LRRC49: variants seen among roughly 807,000 people sequenced by gnomAD.
LRRC49 encodes leucine-rich repeat-containing protein 49.
In LRRC49, 50 loss-of-function variants were observed where a neutral mutation model predicts 83.3. The ratio of observed to expected loss-of-function variants is 0.60; its 90% CI spans 0.48 to 0.76. The LOEUF (loss-of-function observed/expected upper bound fraction) is 0.76. Ranked by LOEUF, LRRC49 falls within the 30% of genes least tolerant of loss-of-function variation. The pLI is 0.00. For missense variants in LRRC49, 704 were observed against 809.1 expected (o/e 0.87, Z 1.58); for synonymous variants, 286 against 283.3 (o/e 1.01, Z -0.10).
chr15:71,001,624 A>G (rs1441711677), intron 11 of LRRC49, among the ~76,000 whole-genome samples: 9 of 150,948 alleles, frequency 6.0e-5, no homozygotes, highest in African/African-American at 2.2e-4. Flanking sequence ...TGTCTTTTTC[A>G]TTACTTTACT....
At chr15:70,909,839 A>ACACACACACAC (rs2034474539) in intron 5 of LRRC49, among the ~76,000 whole-genome samples, 1 of 136,154 alleles carries the variant, frequency 7.3e-6, no homozygotes. Context: ...CTCCATCTCA[A>ACACACACACAC]ACACACACAC....
Position 70,859,615 on chromosome 15 carries a change from G to A in LRRC49, c.-299+6146G>A. 1.4e-5 allele frequency: 9 copies of A among 642,412 alleles called. No homozygotes were observed. In the Admixed American group the frequency reaches 1.7e-4, roughly 12 times the overall value. 39.8% of individuals were successfully genotyped at this position (642,412 alleles called of 1,614,324 possible). A position where few individuals can be genotyped will look rare whatever the true frequency, so the allele number is the denominator to read the frequency against. On this transcript the variant is annotated intron_variant, in intron 1 of 16. Coordinates refer to the LRRC49 transcript ENST00000544974. ...CTGGGAAGCTTGGGCATGACCTGCA[G>A]CCTATAAAGACTGAGATCTCCGAGA... is the stretch of plus-strand genomic sequence containing the variant.
intron 14 of LRRC49, among the ~76,000 whole-genome samples, chr15:71,032,765 T>C (rs918778369): frequency 1.3e-5 from 2 of 152,104 alleles, no homozygotes; most frequent in Non-Finnish European, 2.9e-5. Flanking sequence ...CAAAACCACA[T>C]GATTATCTCA....
intron 11 of LRRC49, among the ~76,000 whole-genome samples, chr15:71,003,974 C>T (rs1015420808): frequency 1.3e-5 from 2 of 152,192 alleles, no homozygotes; most frequent in Non-Finnish European, 2.9e-5. Context: ...ATTGACTTAT[C>T]TGTCTGAAGT....
intron 1 of LRRC49, 107 bp downstream of exon 1, chr15:70,893,049 T>C: frequency 7.9e-7 from 1 of 1,265,932 alleles, no homozygotes; most frequent in Non-Finnish European, 1.2e-6. Flanking sequence ...CCGCTGGGTC[T>C]ACTCAAGCTA....
chr15:71,026,531 C>G (rs1395934663), intron 14 of LRRC49, among the ~76,000 whole-genome samples: 1 of 152,114 alleles, frequency 6.6e-6, no homozygotes, highest in Non-Finnish European at 1.5e-5. Context: ...ACACTCCCAC[C>G]AACAGTGTAA....
At chr15:71,047,990 A>G (rs975684411) in intron 15 of LRRC49, among the ~76,000 whole-genome samples, 2 of 151,008 alleles carry the variant, frequency 1.3e-5, no homozygotes, top group Non-Finnish European at 2.9e-5. Context: ...TGGCCAGGCT[A>G]GTCTCGAACT....
At chr15:71,033,584 A>C (rs1047124313) in intron 14 of LRRC49, among the ~76,000 whole-genome samples, 6 of 152,200 alleles carry the variant, frequency 3.9e-5, no homozygotes, top group East Asian at 1.9e-4. Context: ...CAGCCAAGAC[A>C]ATCCTAAGCA....
At chr15:70,891,112 T>C (rs1207639384), upstream of LRRC49, among the ~76,000 whole-genome samples, 1 of 152,152 alleles carries the variant, frequency 6.6e-6, no homozygotes, top group Non-Finnish European at 1.5e-5. Flanking sequence ...ATTTAATCTG[T>C]GTAATGGTGG....
chr15:70,874,616 A>C (rs2033115401), intron 2 of LRRC49, among the ~76,000 whole-genome samples: 1 of 152,196 alleles, frequency 6.6e-6, no homozygotes, highest in South Asian at 2.1e-4. Context: ...GTGAGTATGG[A>C]CAAATTGCCT....
intron 15 of LRRC49, among the ~76,000 whole-genome samples, chr15:71,042,630 C>T: frequency 6.6e-6 from 1 of 152,204 alleles, no homozygotes; most frequent in East Asian, 1.9e-4. Context: ...CTCAGTCTCT[C>T]TTCCATACAT....
At chr15:70,989,121 T>G (rs562250492) in intron 11 of LRRC49, among the ~76,000 whole-genome samples, 2 of 152,238 alleles carry the variant, frequency 1.3e-5, no homozygotes, top group African/African-American at 4.8e-5. Context: ...TGTCTTGGAG[T>G]TGCTCTTCTC....
chr15:70,899,408 T>C (rs1341767042), intron 3 of LRRC49, among the ~76,000 whole-genome samples: 1 of 152,076 alleles, frequency 6.6e-6, no homozygotes, highest in Non-Finnish European at 1.5e-5. Flanking sequence ...TTTTTAACCA[T>C]CTTGACTTGA....
chr15:70,895,761 T>C, intron 2 of LRRC49, 88 bp from the exon 3 acceptor site: 1 of 708,912 alleles, frequency 1.4e-6, no homozygotes. Context: ...ACCATGTGTA[T>C]CAGTTATTAT....
At chr15:70,900,679 A>G in intron 3 of LRRC49, 1 of 470,960 alleles carries the variant, frequency 2.1e-6, no homozygotes, top group Non-Finnish European at 4.0e-6. Flanking sequence ...CTAGTTCTGT[A>G]CTTTCAACCA....
intron 9 of LRRC49, among the ~76,000 whole-genome samples, chr15:70,976,784 C>T (rs1489754143): frequency 6.6e-6 from 1 of 151,946 alleles, no homozygotes; most frequent in African/African-American, 2.4e-5. Context: ...CAAGAAGATA[C>T]CAGAATTTTA....
At chr15:70,913,738 A>T (rs2034646564) in intron 6 of LRRC49, among the ~76,000 whole-genome samples, 1 of 151,852 alleles carries the variant, frequency 6.6e-6, no homozygotes, top group Non-Finnish European at 1.5e-5. Flanking sequence ...ACATTTTATG[A>T]TAGCAGTATT....
At chr15:70,878,002 G>A (rs550080694) in intron 2 of LRRC49, among the ~76,000 whole-genome samples, 9 of 152,136 alleles carry the variant, frequency 5.9e-5, no homozygotes, top group African/African-American at 1.4e-4. Context: ...GTGTGGTGGC[G>A]GGCGCCTGTA....
chr15:70,928,159 C>T (rs983796636), intron 7 of LRRC49, among the ~76,000 whole-genome samples: 7 of 152,242 alleles, frequency 4.6e-5, no homozygotes, highest in Middle Eastern at 6.8e-3. Context: ...TATTCGTCTA[C>T]GTAATATATA....
Sources: gnomAD v4.1 joint callset for allele counts (sites outside exome capture counted in the v4.1 genomes callset) on GRCh38, gnomAD v4.1.1 for gene constraint, MANE v1.5 for transcripts, NCBI Gene and HGNC (gene_info 2026-07-23, HGNC 2026-07-21) for gene names.